The following FBP1 variants were observed in gnomAD, a reference collection of about 807,000 sequenced individuals.
FBP1 encodes fructose-1,6-bisphosphatase 1.
In FBP1, 22 loss-of-function variants were observed where a neutral mutation model predicts 29.9. The ratio of observed to expected loss-of-function variants is 0.74; its 90% CI spans 0.53 to 1.05. The LOEUF (loss-of-function observed/expected upper bound fraction) is 1.05. Among genes scored for constraint, FBP1 ranks in the 50% least tolerant of loss-of-function variants. The pLI, the probability that FBP1 is intolerant of heterozygous loss-of-function variation, is 0.00. For synonymous variants in FBP1, 175 were observed against 178.6 expected (o/e 0.98, Z 0.16); for missense variants, 345 against 448.2 (o/e 0.77, Z 2.08).
chr9:94,640,080 C>T (rs1340265325), upstream of FBP1: 1 of 152,354 alleles, frequency 6.6e-6, no homozygotes, highest in Non-Finnish European at 1.5e-5. Context: ...TTAATCCAGG[C>T]CTCTTCTCAA....
At chr9:94,638,844 C>T (rs1427603059) in intron 1 of FBP1, among the ~76,000 whole-genome samples, 2 of 152,078 alleles carry the variant, frequency 1.3e-5, no homozygotes, top group Admixed American at 1.3e-4. Context: ...GAGAGGGGTA[C>T]GAGGCAGGCT....
Position 94,634,535 on chromosome 9 carries a change from C to G in FBP1, c.170+4606G>C, listed in dbSNP as rs571619914. ...CCACAAAACAAAAAACCTGAAGCCA[C>G]TGGAGCACCACTTTCTCCCAAAGGA... On this transcript the variant is annotated intron_variant, in intron 1 of 6. Coordinates refer to ENST00000375326, the MANE Select transcript of FBP1 (RefSeq NM_000507.4). Among the ~76,000 whole-genome samples the G allele has an allele frequency of 9.8e-5, 15 of 152,312 alleles. No individual in the cohort carries two copies. The South Asian group carries it at 3.1e-3, about 32-fold the overall frequency.
At chr9:94,609,788 C>T in intron 4 of FBP1, 133 bp downstream of exon 4, 2 of 1,031,954 alleles carry the variant, frequency 1.9e-6, no homozygotes, top group Non-Finnish European at 3.0e-6. Context: ...CCCCTTTCCA[C>T]CACACATCAT....
At chr9:94,613,950 G>C (rs1052328925) in intron 3 of FBP1, among the ~76,000 whole-genome samples, 1 of 150,788 alleles carries the variant, frequency 6.6e-6, no homozygotes, top group Non-Finnish European at 1.5e-5. Context: ...GCGTGGTGGC[G>C]GGCGCCTGTA....
At position 94,632,527 on chromosome 9, in the gene FBP1, G is replaced by A. The variant is rs118036821; in HGVS notation, c.170+6614C>T. 6.1e-3 allele frequency among the ~76,000 whole-genome samples: 933 copies of A among 152,232 alleles called. 6 individuals carry two copies. The highest frequency in any genetic ancestry group is 9.1e-3 in the Non-Finnish European group (618 of 68,032). On this transcript the variant is annotated intron_variant, in intron 1 of 6. Coordinates refer to ENST00000375326, the MANE Select transcript of FBP1 (RefSeq NM_000507.4). ...TACTAAAAATACAAAAATTAGTTGA[G>A]TGTGGTGGCAGGAACCTATAATCCC...
chr9:94,609,532 C>T (rs750156222), intron 4 of FBP1, among the ~76,000 whole-genome samples: 33 of 152,200 alleles, frequency 2.2e-4, no homozygotes, highest in Non-Finnish European at 4.4e-4. Context: ...CGGGCCCCCT[C>T]CTCCCAATTG....
chr9:94,619,586 AG>A (rs1827912806), intron 2 of FBP1, among the ~76,000 whole-genome samples: 1 of 152,140 alleles, frequency 6.6e-6, no homozygotes, highest in Non-Finnish European at 1.5e-5. Context: ...CAAAAAGCAG[AG>A]ATAACGCCAG....
chr9:94,632,237 C>T (rs1024232722), intron 1 of FBP1, among the ~76,000 whole-genome samples: 1 of 152,108 alleles, frequency 6.6e-6, no homozygotes, highest in African/African-American at 2.4e-5. Context: ...GATGGGAGGA[C>T]ATTTCCTGCA....
chr9:94,625,125 G>A (rs1049025563), intron 1 of FBP1, among the ~76,000 whole-genome samples: 3 of 151,698 alleles, frequency 2.0e-5, no homozygotes, highest in African/African-American at 7.2e-5. Context: ...CCAGATTAAA[G>A]TGAGAAGCAA....
intron 6 of FBP1, among the ~76,000 whole-genome samples, chr9:94,604,486 T>TAAAAAA (rs5899226): frequency 6.3e-5 from 9 of 143,452 alleles, no homozygotes; most frequent in African/African-American, 2.4e-4. Context: ...CCTCTTGCAT[T>TAAAAAA]AAAAAAAAAA....
chr9:94,608,897 A>T lies in FBP1; in HGVS notation c.567+1024T>A, dbSNP rs1452535483. ...TAGTTCACTAATGTCATAGGAGGAC[A>T]TCTCTAAAAGTTAAAAAAGTTGGCC... On this transcript the variant is annotated intron_variant, in intron 4 of 6. Transcript: ENST00000375326. 4.6e-5 allele frequency among the ~76,000 whole-genome samples: 7 copies of T among 152,300 alleles called. No individual in the cohort carries two copies. In the East Asian group the frequency reaches 1.4e-3, roughly 29 times the overall value.
rs1202464251 is a variant in FBP1 at position 94,639,438 on chromosome 9, G to A, written c.-128C>T. The stretch of plus-strand genomic sequence containing the variant: ...AGCTGCAGGTGCGGGCGGCAGGTGC[G>A]GGCCGCGGGACCTGGCGGGAGGACT... On this transcript the variant is annotated 5_prime_UTR_variant, in exon 1 of 7. Transcript: ENST00000375326. 4.6e-6 allele frequency: 5 copies of A among 1,098,834 alleles called. No homozygotes were observed. The highest frequency in any genetic ancestry group is 2.6e-5 in the East Asian group (1 of 38,764). 68.1% of individuals were successfully genotyped at this position (1,098,834 alleles called of 1,614,324 possible).
chr9:94,610,870 T>C (rs1376010961), intron 3 of FBP1, among the ~76,000 whole-genome samples: 4 of 136,346 alleles, frequency 2.9e-5, no homozygotes, highest in African/African-American at 1.5e-4. Flanking sequence ...TTTCTTCTTT[T>C]TTTTTTTTTT....
chr9:94,635,467 G>A (rs1828178037), intron 1 of FBP1, among the ~76,000 whole-genome samples: 1 of 152,256 alleles, frequency 6.6e-6, no homozygotes, highest in South Asian at 2.1e-4. Flanking sequence ...GCTCCAGTGA[G>A]GTTCCTGCAA....
chr9:94,614,808 G>T (rs1393341727), intron 3 of FBP1, among the ~76,000 whole-genome samples: 1 of 152,130 alleles, frequency 6.6e-6, no homozygotes, highest in Non-Finnish European at 1.5e-5. Flanking sequence ...GCCCTCAACT[G>T]GTTTCAGCTG....
intron 3 of FBP1, among the ~76,000 whole-genome samples, chr9:94,611,517 C>T (rs1201962696): frequency 6.6e-6 from 1 of 152,156 alleles, no homozygotes; most frequent in East Asian, 1.9e-4. Flanking sequence ...CTTTGGGAGG[C>T]TAAGGTAGGA....
At chr9:94,613,590 C>T (rs923123316) in intron 3 of FBP1, among the ~76,000 whole-genome samples, 5 of 151,854 alleles carry the variant, frequency 3.3e-5, no homozygotes, top group Admixed American at 1.3e-4. Flanking sequence ...CATAGCGAGA[C>T]CCCCTTGTCT....
chr9:94,616,598 GT>G (rs1057304570), intron 3 of FBP1, among the ~76,000 whole-genome samples: 8 of 151,566 alleles, frequency 5.3e-5, no homozygotes, highest in African/African-American at 1.9e-4. Context: ...ATGCCTGGCT[GT>G]TTTTTTGTAT....
chr9:94,609,768 G>A (rs971752448), intron 4 of FBP1, among the ~76,000 whole-genome samples, 153 bp downstream of exon 4: 3 of 152,108 alleles, frequency 2.0e-5, no homozygotes, highest in African/African-American at 7.2e-5. Context: ...ACTCTCTCTT[G>A]GTCTCCTGCC....
Sources: allele counts gnomAD v4.1 joint callset (sites outside exome capture counted in the v4.1 genomes callset), GRCh38; gene constraint gnomAD v4.1.1; transcripts MANE v1.5; gene names NCBI Gene and HGNC (gene_info 2026-07-23, HGNC 2026-07-21).